Variants in SYNDIG1 observed in about 807,000 individuals in gnomAD.
SYNDIG1 encodes the protein synapse differentiation inducing 1.
SYNDIG1 carries 9 observed loss-of-function variants against 19.4 expected under a neutral mutation model. That is an observed-to-expected ratio of 0.46 (90% CI 0.28 to 0.81). The LOEUF (loss-of-function observed/expected upper bound fraction) is 0.81, where lower values mean the gene tolerates loss of function less well. Among genes scored for constraint, SYNDIG1 ranks in the 30% least tolerant of loss-of-function variants. The pLI, the probability that SYNDIG1 is intolerant of heterozygous loss-of-function variation, is 0.12. For synonymous variants in SYNDIG1, 141 were observed against 145.9 expected, an observed-to-expected ratio of 0.97 and a Z score of 0.24; for missense variants, 311 against 343.3, an observed-to-expected ratio of 0.91 and a Z score of 0.74.
chr20:24,503,419 C>T (rs1329884130), intron 1 of SYNDIG1, among the ~76,000 whole-genome samples: 1 of 152,200 alleles, frequency 6.6e-6, no homozygotes, highest in East Asian at 1.9e-4. Flanking sequence ...TGGCTGTGTG[C>T]TCAGCAGCAG....
At chr20:24,551,286 A>G (rs973150946) in intron 2 of SYNDIG1, among the ~76,000 whole-genome samples, 4 of 152,196 alleles carry the variant, frequency 2.6e-5, no homozygotes, top group Admixed American at 2.6e-4. Flanking sequence ...GAAGTTGTTC[A>G]TCATATTCCA....
At chr20:24,473,856 T>C (rs2055541847) in intron 1 of SYNDIG1, among the ~76,000 whole-genome samples, 1 of 152,238 alleles carries the variant, frequency 6.6e-6, no homozygotes, top group Non-Finnish European at 1.5e-5. Context: ...ACGCTTGGTT[T>C]TCAAAATCCT....
At chr20:24,605,735 A>C (rs1300272763) in intron 3 of SYNDIG1, among the ~76,000 whole-genome samples, 1 of 152,098 alleles carries the variant, frequency 6.6e-6, no homozygotes, top group Admixed American at 6.6e-5. Flanking sequence ...CTTGGTAATT[A>C]GCATCTTGAT....
chr20:24,548,343 G>A (rs916974505), intron 2 of SYNDIG1, among the ~76,000 whole-genome samples: 2 of 152,170 alleles, frequency 1.3e-5, no homozygotes, highest in Non-Finnish European at 2.9e-5. Context: ...AGGAAGAGAC[G>A]GCACCAGGAC....
chr20:24,544,365 C>T (rs957060309), intron 2 of SYNDIG1, among the ~76,000 whole-genome samples: 3 of 152,066 alleles, frequency 2.0e-5, no homozygotes, highest in African/African-American at 7.2e-5. Context: ...TCCCAGGACG[C>T]GATGTCAGGG....
chr20:24,589,462 A>G (rs886844691), intron 3 of SYNDIG1, among the ~76,000 whole-genome samples: 41 of 152,146 alleles, frequency 2.7e-4, no homozygotes, highest in African/African-American at 9.9e-4. Flanking sequence ...CCATCCCCCC[A>G]CCCTGCTTGG....
intron 3 of SYNDIG1, among the ~76,000 whole-genome samples, chr20:24,650,426 G>A (rs1313015472): frequency 6.6e-6 from 1 of 152,206 alleles, no homozygotes; most frequent in African/African-American, 2.4e-5. Context: ...CACATGGCAC[G>A]TATCTGCCTG....
intron 3 of SYNDIG1, among the ~76,000 whole-genome samples, chr20:24,615,807 T>TC (rs144390119): frequency 0.21 from 31,329 of 147,860 alleles, 4,084 homozygotes; most frequent in Admixed American, 0.35. Flanking sequence ...ATGGGATTCT[T>TC]CCCTCTCCCC....
chr20:24,512,843 G>C (rs189142866), intron 1 of SYNDIG1, among the ~76,000 whole-genome samples: 22 of 152,326 alleles, frequency 1.4e-4, no homozygotes, highest in African/African-American at 5.3e-4. Context: ...GTGGGCCCCT[G>C]ACCCCCGAGT....
chr20:24,613,545 TCCCCC>T (rs1216800539), intron 3 of SYNDIG1, among the ~76,000 whole-genome samples: 1 of 151,980 alleles, frequency 6.6e-6, no homozygotes, highest in East Asian at 1.9e-4. Flanking sequence ...GCCTCCTGTG[TCCCCC>T]ATTGCGGGTC....
rs73905419 is a variant in SYNDIG1, at chr20:24,658,041, C to T, written c.619-7305C>T. On this transcript the variant is annotated intron_variant, in intron 3 of 3. Transcript: ENST00000376862. This position sits in a 1 kb window ranked among gnomAD's most constrained non-coding sequence, Gnocchi z 4.4. ...TGAGGACCCCCAGCTGTGCTGGCCC[C>T]GGTCCATGGATGACGGGGACTGTGG... Among the ~76,000 whole-genome samples, 941 of 152,170 alleles carry T rather than the reference C, an allele frequency of 6.2e-3. 11 individuals carry two copies. Among genetic ancestry groups the T allele is most frequent in the African/African-American group, 0.021 (887 of 41,498 alleles).
chr20:24,634,334 T>C (rs1040829658), intron 3 of SYNDIG1, among the ~76,000 whole-genome samples: 1 of 152,266 alleles, frequency 6.6e-6, no homozygotes, highest in African/African-American at 2.4e-5. Flanking sequence ...ATTACAGTAA[T>C]GTTTTCCCTA....
intron 1 of SYNDIG1, among the ~76,000 whole-genome samples, chr20:24,486,256 G>T (rs770446046): frequency 6.6e-6 from 1 of 152,228 alleles, no homozygotes; most frequent in Non-Finnish European, 1.5e-5. Context: ...GAGAGGGCAG[G>T]GTGGGTGCTG....
At chr20:24,623,200 A>G (rs2147243685) in intron 3 of SYNDIG1, among the ~76,000 whole-genome samples, 1 of 152,122 alleles carries the variant, frequency 6.6e-6, no homozygotes, top group East Asian at 1.9e-4. Flanking sequence ...AAAAGAAAAA[A>G]GAGACTGTGC....
At chr20:24,593,543 G>A (rs982306170) in intron 3 of SYNDIG1, among the ~76,000 whole-genome samples, 1 of 152,070 alleles carries the variant, frequency 6.6e-6, no homozygotes, top group African/African-American at 2.4e-5. Flanking sequence ...TATTCCTTTG[G>A]GTGTATACCC....
chr20:24,489,934 A>G (rs1374742472), intron 1 of SYNDIG1, among the ~76,000 whole-genome samples: 1 of 152,228 alleles, frequency 6.6e-6, no homozygotes, highest in Non-Finnish European at 1.5e-5. Context: ...GCTGCAGTGC[A>G]TAGGAGCCCC....
At chr20:24,533,334 A>G (rs1009550665) in intron 1 of SYNDIG1, among the ~76,000 whole-genome samples, 2 of 152,260 alleles carry the variant, frequency 1.3e-5, no homozygotes, top group Non-Finnish European at 2.9e-5. Flanking sequence ...GTGAAGGCAG[A>G]TATTTACCCC....
intron 2 of SYNDIG1, among the ~76,000 whole-genome samples, chr20:24,548,065 C>T (rs966339169): frequency 4.6e-5 from 7 of 152,170 alleles, no homozygotes; most frequent in Non-Finnish European, 7.3e-5. Flanking sequence ...TTTTCTGCCA[C>T]GCCCTCCAAG....
chr20:24,559,313 G>C (rs2057889341), intron 2 of SYNDIG1, among the ~76,000 whole-genome samples: 1 of 152,142 alleles, frequency 6.6e-6, no homozygotes, highest in African/African-American at 2.4e-5. Flanking sequence ...TGGGAGCAGG[G>C]AGGATGATGA....
Sources: allele counts gnomAD v4.1 joint callset (sites outside exome capture counted in the v4.1 genomes callset), GRCh38; gene constraint gnomAD v4.1.1; non-coding constraint Gnocchi (gnomAD v3.1); transcripts MANE v1.5; gene names NCBI Gene and HGNC (gene_info 2026-07-23, HGNC 2026-07-21).